The following MAPK10 variants were observed in gnomAD, a reference collection of about 807,000 sequenced individuals.
MAPK10 encodes the protein mitogen-activated protein kinase 10, also known as JNK3 alpha protein kinase.
In MAPK10, 25 loss-of-function variants were observed where a neutral mutation model predicts 59.3. The ratio of observed to expected loss-of-function variants is 0.42; its 90% confidence interval spans 0.31 to 0.59. MAPK10 has a LOEUF of 0.59. Among genes scored for constraint, MAPK10 ranks in the 20% least tolerant of loss-of-function variants. MAPK10 has a pLI of 0.15. For synonymous variants in MAPK10, 190 were observed against 200.5 expected (o/e 0.95, Z 0.44); for missense variants, 351 against 568.9 (o/e 0.62, Z 3.90).
intron 13 of MAPK10, among the ~76,000 whole-genome samples, chr4:86,019,612 C>T (rs1050144958): frequency 1.1e-4 from 16 of 152,114 alleles, no homozygotes; most frequent in African/African-American, 3.1e-4. Context: ...TTTTCACCCC[C>T]GATTCTGGAT....
At chr4:86,403,872 C>T (rs538466742) in intron 1 of MAPK10, among the ~76,000 whole-genome samples, 13 of 152,178 alleles carry the variant, frequency 8.5e-5, no homozygotes, top group Admixed American at 5.2e-4. Flanking sequence ...GATAAGATTT[C>T]GGTAGGGACA....
intron 2 of MAPK10, among the ~76,000 whole-genome samples, chr4:86,198,920 A>G (rs192424967): frequency 6.6e-6 from 1 of 152,068 alleles, no homozygotes; most frequent in East Asian, 1.9e-4. Flanking sequence ...AAATTGAAGA[A>G]TTTCATGAAA....
intron 2 of MAPK10, among the ~76,000 whole-genome samples, chr4:86,198,037 A>G (rs953347455): frequency 2.6e-5 from 4 of 152,098 alleles, no homozygotes; most frequent in African/African-American, 7.2e-5. Flanking sequence ...ATCCACCCCA[A>G]TTAGTCATTG....
At chr4:86,321,252 T>A (rs1372560695) in intron 2 of MAPK10, among the ~76,000 whole-genome samples, 1 of 152,064 alleles carries the variant, frequency 6.6e-6, no homozygotes, top group Non-Finnish European at 1.5e-5. Context: ...CCCAAAGGAC[T>A]ATAAATCATG....
intron 4 of MAPK10, among the ~76,000 whole-genome samples, chr4:86,109,323 A>G (rs1580398899): frequency 6.6e-6 from 1 of 152,130 alleles, no homozygotes; most frequent in African/African-American, 2.4e-5. Context: ...GCATCTATCA[A>G]CCCATCACCT....
At chr4:86,104,914 C>T (rs578080234) in intron 5 of MAPK10, among the ~76,000 whole-genome samples, 1 of 152,138 alleles carries the variant, frequency 6.6e-6, no homozygotes, top group African/African-American at 2.4e-5. Flanking sequence ...TTTAAAAAGG[C>T]ATCTGTAGAA....
chr4:86,255,292 C>A (rs6531909), intron 2 of MAPK10, among the ~76,000 whole-genome samples: 49,733 of 151,886 alleles, frequency 0.33, 11,038 homozygotes, highest in African/African-American at 0.63. Context: ...ATAGAGTTTT[C>A]AGAAATGTAT....
intron 1 of MAPK10, among the ~76,000 whole-genome samples, chr4:86,588,363 T>C (rs536342002): frequency 6.6e-6 from 1 of 152,220 alleles, no homozygotes; most frequent in African/African-American, 2.4e-5. Context: ...GTTGTAAAGA[T>C]TTTTTTTAAT....
chr4:86,580,118 G>A (rs1490832232), intron 1 of MAPK10, among the ~76,000 whole-genome samples: 1 of 152,040 alleles, frequency 6.6e-6, no homozygotes, highest in Admixed American at 6.6e-5. Flanking sequence ...GTTTTTATGA[G>A]TTACTAGTTA....
At chr4:86,386,087 C>T (rs576694035) in intron 1 of MAPK10, among the ~76,000 whole-genome samples, 6 of 152,284 alleles carry the variant, frequency 3.9e-5, no homozygotes, top group East Asian at 1.9e-4. Context: ...TTTCTAATTA[C>T]GTGTTTAAAA....
At chr4:86,548,736 C>G (rs1272718036) in intron 1 of MAPK10, among the ~76,000 whole-genome samples, 2 of 152,116 alleles carry the variant, frequency 1.3e-5, no homozygotes, top group Non-Finnish European at 2.9e-5. Flanking sequence ...TGAGAACAGA[C>G]TAATGCAGGT....
upstream of MAPK10, among the ~76,000 whole-genome samples, chr4:86,456,729 CA>C (rs1361550383): frequency 6.6e-6 from 1 of 152,056 alleles, no homozygotes; most frequent in Non-Finnish European, 1.5e-5. Context: ...ACCAGACATT[CA>C]AAGAAGAATT....
Position 86,017,411 on chromosome 4 carries a change from A to G in MAPK10, c.1253-41T>C. The G allele has an allele frequency of 6.2e-7, 1 of 1,610,918 alleles. No homozygotes were observed. The highest frequency in any genetic ancestry group is 8.5e-7 in the Non-Finnish European group (1 of 1,177,962). The stretch of plus-strand genomic sequence containing the variant: ...GAAGACCAACATGACTCAATCTAGA[A>G]CCAGACCCATCTTAATGCCATTCAG... On this transcript the variant is annotated intron_variant, in intron 13 of 13. Transcript: ENST00000641462. This position sits in a 1 kb window ranked among gnomAD's most constrained non-coding sequence, Gnocchi z 4.4.
At chr4:86,127,874 C>T (rs1179219433) in intron 4 of MAPK10, among the ~76,000 whole-genome samples, 1 of 152,012 alleles carries the variant, frequency 6.6e-6, no homozygotes. Context: ...ACATTGATCA[C>T]TATCAATGTG....
chr4:86,555,460 G>C (rs1031286937), intron 1 of MAPK10, among the ~76,000 whole-genome samples: 1 of 152,102 alleles, frequency 6.6e-6, no homozygotes, highest in Non-Finnish European at 1.5e-5. Flanking sequence ...AAAAAGGAAA[G>C]TAGGGATTAT....
At chr4:86,408,056 C>T (rs1179741565) in intron 1 of MAPK10, among the ~76,000 whole-genome samples, 1 of 148,056 alleles carries the variant, frequency 6.8e-6, no homozygotes, top group Admixed American at 6.8e-5. Flanking sequence ...TCCCACAGCC[C>T]CCCACCCCCC....
chr4:86,111,354 G>A (rs2057449907), intron 4 of MAPK10, among the ~76,000 whole-genome samples: 1 of 152,274 alleles, frequency 6.6e-6, no homozygotes, highest in Admixed American at 6.5e-5. Context: ...TATGATAGTG[G>A]CTGTGGGTTT....
At chr4:86,275,151 C>T (rs1196930934) in intron 2 of MAPK10, among the ~76,000 whole-genome samples, 1 of 151,954 alleles carries the variant, frequency 6.6e-6, no homozygotes, top group Non-Finnish European at 1.5e-5. Context: ...GATAAATATG[C>T]AATTCTGATC....
rs371629164 is a variant in MAPK10 at position 86,315,181 on chromosome 4, T to A, written c.-7+39349A>T. 3.1e-4 allele frequency among the ~76,000 whole-genome samples: 47 copies of A among 151,946 alleles called. No homozygotes were observed. In the East Asian group the frequency reaches 7.2e-3, roughly 23 times the overall value. On this transcript the variant is annotated intron_variant, in intron 2 of 13. Coordinates refer to ENST00000641462, the MANE Select transcript of MAPK10 (RefSeq NM_138982.4). Reference sequence around the variant, plus strand: ...CACATGTTCTTACTTATTTATGTGATCTAAAAATCAAAACAATTGAACTCA... The same window carrying A: ...CACATGTTCTTACTTATTTATGTGAACTAAAAATCAAAACAATTGAACTCA...
Sources: allele counts gnomAD v4.1 joint callset (sites outside exome capture counted in the v4.1 genomes callset), GRCh38; gene constraint gnomAD v4.1.1; non-coding constraint Gnocchi (gnomAD v3.1); transcripts MANE v1.5; gene names NCBI Gene and HGNC (gene_info 2026-07-23, HGNC 2026-07-21).